Variants in MAST4 observed in about 807,000 individuals in gnomAD.
MAST4 encodes microtubule associated serine/threonine kinase family member 4.
In MAST4, 89 loss-of-function variants were observed where a neutral mutation model predicts 162.7. That is an observed-to-expected ratio of 0.55 (90% confidence interval 0.46 to 0.65). MAST4 has a LOEUF of 0.65. Ranked by LOEUF, MAST4 falls within the 30% of genes least tolerant of loss-of-function variation. The pLI is 0.00. For synonymous variants in MAST4, 1,479 were observed against 1,361.1 expected, an observed-to-expected ratio of 1.09 and a Z score of -1.91; for missense variants, 3,153 against 3,374.0, an observed-to-expected ratio of 0.93 and a Z score of 1.62.
chr5:67,109,521 C>T (rs1765978080), intron 10 of MAST4, among the ~76,000 whole-genome samples: 1 of 151,806 alleles, frequency 6.6e-6, no homozygotes, highest in Admixed American at 6.6e-5. Context: ...ACTTGTGGTC[C>T]CAAGCATTTT....
intron 4 of MAST4, among the ~76,000 whole-genome samples, chr5:66,919,946 TTCCTTCCTTCCTTCCTTCCTTCC>T (rs1764403157): frequency 7.1e-6 from 1 of 140,748 alleles, no homozygotes; most frequent in African/African-American, 2.8e-5. Flanking sequence ...CCTTCCTTCC[TTCCTTCCTTCCTTCCTTCCTTCC>T]TTCCTTCTTT....
chr5:67,048,840 A>G (rs996231295), intron 4 of MAST4, among the ~76,000 whole-genome samples: 2 of 151,386 alleles, frequency 1.3e-5, no homozygotes, highest in African/African-American at 4.8e-5. Context: ...TCTGCTATAC[A>G]AAGCCCAACA....
chr5:67,082,780 A>G (rs1762823108), intron 5 of MAST4, among the ~76,000 whole-genome samples: 1 of 152,250 alleles, frequency 6.6e-6, no homozygotes, highest in African/African-American at 2.4e-5. Context: ...AAATAGTATT[A>G]AAATCCAAAT....
chr5:66,868,232 A>G (rs1417941758), intron 3 of MAST4, among the ~76,000 whole-genome samples: 2 of 152,132 alleles, frequency 1.3e-5, no homozygotes, highest in African/African-American at 4.8e-5. Flanking sequence ...TCTGGTAGGT[A>G]GCAAGACTGG....
intron 1 of MAST4, among the ~76,000 whole-genome samples, chr5:66,623,855 A>G (rs1224063272): frequency 1.3e-5 from 2 of 152,234 alleles, no homozygotes; most frequent in Non-Finnish European, 2.9e-5. Flanking sequence ...TCATATATAC[A>G]TGGAAAATCC....
chr5:66,912,012 G>A (rs1005671522), intron 4 of MAST4, among the ~76,000 whole-genome samples: 2 of 152,124 alleles, frequency 1.3e-5, no homozygotes, highest in Admixed American at 6.5e-5. Context: ...TGTTATTGGG[G>A]GTGGTGGTAT....
chr5:66,669,279 G>A (rs1747461799), intron 1 of MAST4, among the ~76,000 whole-genome samples: 1 of 152,200 alleles, frequency 6.6e-6, no homozygotes, highest in Non-Finnish European at 1.5e-5. Flanking sequence ...ATCTCGAAAT[G>A]TGCCATAGCT....
At chr5:66,974,018 AG>A (rs1747802282) in intron 4 of MAST4, among the ~76,000 whole-genome samples, 1 of 152,264 alleles carries the variant, frequency 6.6e-6, no homozygotes, top group African/African-American at 2.4e-5. Flanking sequence ...CTAGCTGTCC[AG>A]AGCAGCTAAA....
chr5:66,597,992 C>T (rs1410374492), intron 1 of MAST4, among the ~76,000 whole-genome samples: 1 of 152,150 alleles, frequency 6.6e-6, no homozygotes, highest in Non-Finnish European at 1.5e-5. Flanking sequence ...TTAACATAGA[C>T]TTATTGTGAA....
chr5:66,650,698 T>G (rs1338708963), intron 1 of MAST4, among the ~76,000 whole-genome samples: 1 of 152,188 alleles, frequency 6.6e-6, no homozygotes, highest in Non-Finnish European at 1.5e-5. Flanking sequence ...ATCAGTGGGT[T>G]AGCCCAAATA....
chr5:66,865,812 C>A (rs908298465), intron 3 of MAST4, among the ~76,000 whole-genome samples: 1 of 152,114 alleles, frequency 6.6e-6, no homozygotes, highest in African/African-American at 2.4e-5. Context: ...CGGTGGCTCA[C>A]GCCTGTAATC....
chr5:67,078,798 ATTTAT>A (rs1474526168), intron 5 of MAST4, among the ~76,000 whole-genome samples: 2 of 128,484 alleles, frequency 1.6e-5, no homozygotes, highest in East Asian at 4.1e-4. Context: ...ATCTAAATAT[ATTTAT>A]TTATATTTAT....
At chr5:66,736,888 C>T (rs1475642356) in intron 1 of MAST4, among the ~76,000 whole-genome samples, 1 of 152,156 alleles carries the variant, frequency 6.6e-6, no homozygotes, top group Non-Finnish European at 1.5e-5. Flanking sequence ...GGGTTAGGAA[C>T]CAGAGAATGC....
At chr5:66,884,535 T>G (rs1381378426) in intron 3 of MAST4, among the ~76,000 whole-genome samples, 1 of 152,170 alleles carries the variant, frequency 6.6e-6, no homozygotes, top group African/African-American at 2.4e-5. Flanking sequence ...GAAGCTTGCA[T>G]TTGGAGGAAG....
chr5:66,608,354 CCTTTT>C (rs1743038643), intron 1 of MAST4, among the ~76,000 whole-genome samples: 1 of 89,452 alleles, frequency 1.1e-5, no homozygotes, highest in Non-Finnish European at 2.1e-5. Context: ...CTGTGCCTGG[CCTTTT>C]TTTTTTTTTT....
Position 66,798,104 on chromosome 5 carries a change from C to T in MAST4, c.642+9310C>T, listed in dbSNP as rs971298723. Among the ~76,000 whole-genome samples the T allele has an allele frequency of 2.6e-5, 4 of 152,176 alleles. No homozygotes were observed. In the East Asian group the frequency reaches 5.8e-4, roughly 22 times the overall value. On this transcript the variant is annotated intron_variant, in intron 3 of 28. Coordinates refer to ENST00000403625, the MANE Select transcript of MAST4 (RefSeq NM_001164664.2). ...CCAAGGTGGAAAGCATGGTATTTTC[C>T]GGTACTTTAGCCAAAAGGAAGTAAG... is the stretch of plus-strand genomic sequence containing the variant.
At position 67,078,838 on chromosome 5, in the gene MAST4, T is replaced by TTAAATATATTTATATATATTTATA. The variant is rs1405093485; in HGVS notation, c.764-11307_764-11306insATTTATATAAATATATTTATATAT. Among the ~76,000 whole-genome samples the TTAAATATATTTATATATATTTATA allele has an allele frequency of 7.2e-5, 8 of 110,994 alleles. No homozygotes were observed. The South Asian group carries it at 1.9e-3, about 27-fold the overall frequency. The allele number at this position is 110,994 out of a possible 152,430, so 72.8% of individuals were successfully genotyped here. A position where few individuals can be genotyped will look rare whatever the true frequency, so the allele number is the denominator to read the frequency against. On this transcript the variant is annotated intron_variant, in intron 5 of 28. Coordinates refer to ENST00000403625, the MANE Select transcript of MAST4 (RefSeq NM_001164664.2). ...TATTTTTATATTTATATTTATATAT[T>TTAAATATATTTATATATATTTATA]TAAATATATTTATATATTTATATAA...
In MAST4 at chr5:66,927,868, T is replaced by C. The variant is rs1477519217; in HGVS notation, c.674+27886T>C. Among the ~76,000 whole-genome samples the C allele has an allele frequency of 1.3e-4, 20 of 152,230 alleles. 1 individual carries two copies. The highest frequency in any genetic ancestry group is 1.3e-3 in the Admixed American group (20 of 15,284). On this transcript the variant is annotated intron_variant, in intron 4 of 28. Coordinates refer to ENST00000403625, the MANE Select transcript of MAST4 (RefSeq NM_001164664.2). ...CAGGTTCGATTCCTACTGAGGACTA[T>C]GAGGGAGAACCTGTTCCATGCCTCT... is the stretch of plus-strand genomic sequence containing the variant.
chr5:67,127,481 A>G (rs1034916228), intron 14 of MAST4, among the ~76,000 whole-genome samples: 3 of 152,176 alleles, frequency 2.0e-5, no homozygotes, highest in Non-Finnish European at 4.4e-5. Flanking sequence ...TTCTGCATCT[A>G]TTGAGATAAT....
Sources: gnomAD v4.1 joint callset for allele counts (sites outside exome capture counted in the v4.1 genomes callset) on GRCh38, gnomAD v4.1.1 for gene constraint, MANE v1.5 for transcripts, NCBI Gene and HGNC (gene_info 2026-07-23, HGNC 2026-07-21) for gene names.